The following HPS5 variants were observed in gnomAD, a reference collection of about 807,000 sequenced individuals.
HPS5 encodes the protein BLOC-2 complex member HPS5.
Under a neutral mutation model 128.0 loss-of-function variants are expected in HPS5, and 83 were observed. The ratio of observed to expected loss-of-function variants is 0.65; its 90% confidence interval spans 0.54 to 0.78. HPS5 has a LOEUF of 0.78. Among genes scored for constraint, HPS5 ranks in the 30% least tolerant of loss-of-function variants. HPS5 has a pLI of 0.00. For synonymous variants in HPS5, 475 were observed against 470.2 expected, an observed-to-expected ratio of 1.01 and a Z score of -0.13; for missense variants, 1,281 against 1,326.2, an observed-to-expected ratio of 0.97 and a Z score of 0.53.
chr11:18,288,010 A>G lies in HPS5; in HGVS notation c.2444T>C (p.Met815Thr). The G allele has an allele frequency of 6.2e-7, 1 of 1,613,780 alleles. No homozygotes were observed. The highest frequency in any genetic ancestry group is 2.2e-5 in the East Asian group (1 of 44,846). ...WDTFIEGLKE[M>T]ASSNPVYMEM... ...CATATACACAGGATTGGAACTTGCC[A>G]TTTCTGAAATATAAAGCATATCCTT... is the stretch of plus-strand genomic sequence containing the variant. The change falls in exon 17 of 23, where the codon ATG becomes ACG. Residue 815 changes from methionine (M) to threonine (T), a missense_variant. Transcript: ENST00000349215.
rs1194986905 is a variant in HPS5, at chr11:18,286,633, G to A, written c.2795C>T (p.Ala932Val). ...ATCCATTGTGCTGGTGCTTGGTGGA[G>A]CATCAAGGGACACTGCCAAAAGCAG... The part of the protein sequence containing the change: ...DWLLLAVSLD[A>V]PPSTSTMDDE... Residue 932 changes from alanine (A) to valine (V), a missense_variant, in exon 19 of 23, where the codon GCT (alanine) becomes GTT (valine). Transcript: ENST00000349215. 14 of 1,613,958 alleles carry A rather than the reference G, an allele frequency of 8.7e-6. No individual in the cohort carries two copies. In the East Asian group the frequency reaches 1.3e-4, roughly 15 times the overall value.
intron 5 of HPS5, 40 bp downstream of exon 5, chr11:18,310,701 G>C (rs750121751): frequency 6.9e-7 from 1 of 1,446,622 alleles, no homozygotes; most frequent in Admixed American, 1.8e-5. Context: ...ACAACACCTT[G>C]TATCTCACTA....
chr11:18,280,385 T>A (rs1194597602), intron 22 of HPS5: 5 of 567,388 alleles, frequency 8.8e-6, no homozygotes, highest in Non-Finnish European at 1.5e-5. Context: ...CAACAGAAAA[T>A]GACAAGTGTG....
At position 18,312,155 on chromosome 11, in the gene HPS5, C is replaced by CA. The variant is rs1458834832; in HGVS notation, c.109-132dup. The stretch of plus-strand genomic sequence containing the variant: ...ACTTTACCCTCTGCCCATATGGACA[C>CA]AATATGACACTTATTCTCTAGTTCT... On this transcript the variant is annotated intron_variant, in intron 2 of 22. Coordinates refer to ENST00000349215, the MANE Select transcript of HPS5 (RefSeq NM_181507.2). 1.1e-5 allele frequency: 8 copies of CA among 706,742 alleles called. No individual in the cohort carries two copies. The East Asian group carries it at 2.1e-4, about 19-fold the overall frequency. The allele number at this position is 706,742 out of a possible 1,614,324, so 43.8% of individuals were successfully genotyped here.
chr11:18,303,052 T>C (rs1861920572), intron 8 of HPS5, among the ~76,000 whole-genome samples: 2 of 148,698 alleles, frequency 1.3e-5, no homozygotes, highest in Admixed American at 1.3e-4. Context: ...AGCATTGTTT[T>C]AGAAGTTCCA....
chr11:18,289,916 A>T (rs892960092), intron 16 of HPS5, among the ~76,000 whole-genome samples: 3 of 152,240 alleles, frequency 2.0e-5, no homozygotes, highest in African/African-American at 7.2e-5. Flanking sequence ...GCCAAGGTAG[A>T]TACTGCGGGC....
intron 2 of HPS5, among the ~76,000 whole-genome samples, chr11:18,316,034 G>A (rs1292064454): frequency 2.0e-5 from 3 of 152,130 alleles, no homozygotes; most frequent in Non-Finnish European, 4.4e-5. Context: ...AAAGGCCAAG[G>A]CACATGATTG....
chr11:18,294,260 A>G (rs1860792949), intron 14 of HPS5, among the ~76,000 whole-genome samples: 1 of 152,184 alleles, frequency 6.6e-6, no homozygotes, highest in African/African-American at 2.4e-5. Context: ...TTTCTTTTTC[A>G]TTATCTCAAT....
intron 5 of HPS5, among the ~76,000 whole-genome samples, chr11:18,309,798 C>T (rs1330112475): frequency 6.6e-6 from 1 of 151,420 alleles, no homozygotes; most frequent in African/African-American, 2.4e-5. Flanking sequence ...CCCAGGAGTC[C>T]GAGACCAGCC....
chr11:18,281,919 C>T, intron 22 of HPS5, 31 bp downstream of exon 22: 1 of 1,613,712 alleles, frequency 6.2e-7, no homozygotes, highest in South Asian at 1.1e-5. Context: ...TCTCCAAGCA[C>T]TATGCAGAGG....
intron 22 of HPS5, among the ~76,000 whole-genome samples, chr11:18,281,523 CCAAGTAGCTGGGACTACAGG>C (rs1858957782): frequency 1.3e-5 from 2 of 152,084 alleles, no homozygotes; most frequent in Admixed American, 1.3e-4. Context: ...CCTCAGCCTC[CCAAGTAGCTGGGACTACAGG>C]CACGTGCCAC....
Position 18,291,475 on chromosome 11 carries a change from A to C in HPS5, c.2407T>G (p.Ser803Ala), listed in dbSNP as rs1320477481. The C allele has an allele frequency of 1.2e-6, 2 of 1,611,694 alleles. No individual in the cohort carries two copies. The highest frequency in any genetic ancestry group is 3.3e-5 in the Admixed American group (2 of 59,988). Residue 803 changes from serine (S) to alanine (A), a missense_variant, in exon 16 of 23, where the codon TCT becomes GCT. By Grantham distance (99) the Ser-to-Ala change is moderately conservative (BLOSUM62 1). Coordinates refer to ENST00000349215, the MANE Select transcript of HPS5 (RefSeq NM_181507.2). ...CCTTCAATAAAAGTATCCCAAACAG[A>C]AGGGCTATTACTGTAACTAAGCTTG... is the stretch of plus-strand genomic sequence containing the variant. ...SIKLSYSNSPSVWDTFIEGLK... is the reference protein window; with the variant it reads ...SIKLSYSNSPAVWDTFIEGLK...
intron 1 of HPS5, among the ~76,000 whole-genome samples, chr11:18,320,607 T>G (rs1428882305): frequency 2.0e-5 from 3 of 152,230 alleles, no homozygotes; most frequent in African/African-American, 7.2e-5. Context: ...TTGAAAAGCA[T>G]TATCAGGTCT....
chr11:18,282,616 A>G (rs562676265), intron 21 of HPS5, among the ~76,000 whole-genome samples: 1 of 152,224 alleles, frequency 6.6e-6, no homozygotes, highest in African/African-American at 2.4e-5. Context: ...GGCATATCCT[A>G]TGCTAAGCAC....
In HPS5 at chr11:18,279,822, T is replaced by C. The variant is rs1021289574; in HGVS notation, c.*60A>G. On this transcript the variant is annotated 3_prime_UTR_variant, in exon 23 of 23. Transcript: ENST00000349215. Reference sequence around the variant, plus strand: ...TTCAATAACAAATGCGTTCAGAAGGTTCAGGAGCATGATTTAGTTTTTCTC... The same window carrying C: ...TTCAATAACAAATGCGTTCAGAAGGCTCAGGAGCATGATTTAGTTTTTCTC... The C allele has an allele frequency of 2.0e-6, 3 of 1,508,992 alleles. No homozygotes were observed. In the African/African-American group the frequency reaches 4.1e-5, roughly 21 times the overall value. The allele number at this position is 1,508,992 out of a possible 1,614,324, so 93.5% of individuals were successfully genotyped here. A position where few individuals can be genotyped will look rare whatever the true frequency, so the allele number is the denominator to read the frequency against.
rs750769150 is a variant in HPS5 at position 18,286,602 on chromosome 11, TTCA to T, written c.2823_2825del (p.Asp941del). On this transcript the variant is annotated inframe_deletion, in exon 19 of 23. Transcript: ENST00000349215. ...GACTTCTTCTGTACCTGGGATAACC[TTCA>T]TCATCCATTGTGCTGGTGCTTGGTG... 1.9e-6 allele frequency: 3 copies of T among 1,613,768 alleles called. No homozygotes were observed. Among genetic ancestry groups the T allele is most frequent in the Non-Finnish European group, 2.5e-6 (3 of 1,179,924 alleles).
intron 9 of HPS5, among the ~76,000 whole-genome samples, chr11:18,300,581 C>T (rs1411158049): frequency 1.3e-5 from 2 of 151,532 alleles, no homozygotes; most frequent in Non-Finnish European, 2.9e-5. Context: ...CCTGTAATCC[C>T]AGCTACTCAG....
chr11:18,283,960 T>C, intron 20 of HPS5, 59 bp from the exon 21 acceptor site: 1 of 1,154,652 alleles, frequency 8.7e-7, no homozygotes, highest in Non-Finnish European at 1.3e-6. Context: ...TCTGGAGCTG[T>C]GCTGCCCAAA....
chr11:18,309,186 A>C lies in HPS5; in HGVS notation c.478-107T>G, dbSNP rs140261670. ...AAAATAACTTGAATAGCAAAATAAA[A>C]TTTTCAAATAAGCCAAAACTTAATT... is the stretch of plus-strand genomic sequence containing the variant. On this transcript the variant is annotated intron_variant, in intron 5 of 22. Transcript: ENST00000349215. The C allele has an allele frequency of 2.2e-4, 256 of 1,165,144 alleles. No homozygotes were observed. In the East Asian group the frequency reaches 4.4e-3, roughly 20 times the overall value. 72.2% of individuals were successfully genotyped at this position (1,165,144 alleles called of 1,614,324 possible). A position where few individuals can be genotyped will look rare whatever the true frequency, so the allele number is the denominator to read the frequency against.
Sources: allele counts gnomAD v4.1 joint callset (sites outside exome capture counted in the v4.1 genomes callset), GRCh38; gene constraint gnomAD v4.1.1; transcripts MANE v1.5; gene names NCBI Gene and HGNC (gene_info 2026-07-23, HGNC 2026-07-21).